The following SLC2A13 variants were observed in gnomAD, a reference collection of about 807,000 sequenced individuals.
SLC2A13 encodes solute carrier family 2 member 13, also known as proton myo-inositol cotransporter.
A neutral mutation model predicts 64.4 loss-of-function variants in SLC2A13; 32 were observed. The ratio of observed to expected loss-of-function variants is 0.50; its 90% CI spans 0.37 to 0.67. The LOEUF (loss-of-function observed/expected upper bound fraction) is 0.67. SLC2A13 is among the 30% of genes least tolerant of loss of function. The pLI, the probability that SLC2A13 is intolerant of heterozygous loss-of-function variation, is 0.00. For synonymous variants in SLC2A13, 338 were observed against 327.1 expected (o/e 1.03, Z -0.36); for missense variants, 743 against 829.2 (o/e 0.90, Z 1.28).
At chr12:39,973,758 G>A (rs1946712300) in intron 3 of SLC2A13, among the ~76,000 whole-genome samples, 1 of 152,168 alleles carries the variant, frequency 6.6e-6, no homozygotes, top group African/African-American at 2.4e-5. Context: ...TTTCTTCAGA[G>A]CACTTACTGC....
chr12:39,997,167 T>A (rs569631), intron 3 of SLC2A13, among the ~76,000 whole-genome samples: 2 of 151,958 alleles, frequency 1.3e-5, no homozygotes, highest in African/African-American at 4.8e-5. Context: ...AAAACAGCAT[T>A]ATACCAGTAT....
intron 1 of SLC2A13, among the ~76,000 whole-genome samples, chr12:40,091,949 C>T (rs189422597): frequency 6.6e-6 from 1 of 152,302 alleles, no homozygotes; most frequent in East Asian, 1.9e-4. Flanking sequence ...CATACAATAA[C>T]TCTATGAATT....
chr12:39,890,000 CT>C (rs1944564594), intron 4 of SLC2A13, among the ~76,000 whole-genome samples: 1 of 152,132 alleles, frequency 6.6e-6, no homozygotes, highest in Non-Finnish European at 1.5e-5. Flanking sequence ...ACATAGTAGT[CT>C]TAAGTCTATA....
At chr12:40,076,811 T>C (rs1294610169) in intron 1 of SLC2A13, among the ~76,000 whole-genome samples, 1 of 152,086 alleles carries the variant, frequency 6.6e-6, no homozygotes, top group Non-Finnish European at 1.5e-5. Context: ...CTCCAGCATG[T>C]TTTTCGTATG....
chr12:39,787,303 T>C (rs775622598), intron 7 of SLC2A13, among the ~76,000 whole-genome samples: 6 of 152,180 alleles, frequency 3.9e-5, no homozygotes, highest in Non-Finnish European at 7.4e-5. Context: ...TAGCATGAAA[T>C]GAAATTAGTA....
intron 6 of SLC2A13, among the ~76,000 whole-genome samples, chr12:39,842,350 A>G (rs1206173721): frequency 6.6e-6 from 1 of 152,068 alleles, no homozygotes; most frequent in African/African-American, 2.4e-5. Flanking sequence ...AAGCTAAGAG[A>G]CTTGCTCATG....
chr12:39,876,187 G>A (rs974985248), intron 4 of SLC2A13, among the ~76,000 whole-genome samples: 4 of 152,152 alleles, frequency 2.6e-5, no homozygotes, highest in Non-Finnish European at 4.4e-5. Flanking sequence ...GAACAGCCAA[G>A]GCCGGAAATC....
intron 7 of SLC2A13, among the ~76,000 whole-genome samples, chr12:39,803,892 C>G (rs1454112892): frequency 6.6e-6 from 1 of 151,976 alleles, no homozygotes; most frequent in Non-Finnish European, 1.5e-5. Flanking sequence ...GGACAACGAT[C>G]CCTTCCCAAG....
chr12:39,963,226 G>A (rs995221623), intron 3 of SLC2A13, among the ~76,000 whole-genome samples: 1 of 145,520 alleles, frequency 6.9e-6, no homozygotes, highest in Non-Finnish European at 1.5e-5. Context: ...GGTGGAGCTT[G>A]CAGTGAGCCG....
chr12:39,838,988 C>T (rs1373906785), intron 6 of SLC2A13, among the ~76,000 whole-genome samples: 3 of 152,046 alleles, frequency 2.0e-5, no homozygotes. Context: ...GATCCATGGC[C>T]ACAGGTCCAA....
At chr12:40,003,406 C>T (rs1343583668) in intron 3 of SLC2A13, among the ~76,000 whole-genome samples, 3 of 152,146 alleles carry the variant, frequency 2.0e-5, no homozygotes, top group Non-Finnish European at 4.4e-5. Flanking sequence ...AAAAACAACA[C>T]TTAACCAAAA....
intron 3 of SLC2A13, among the ~76,000 whole-genome samples, chr12:39,988,533 G>T (rs1947069308): frequency 7.3e-6 from 1 of 137,798 alleles, no homozygotes; most frequent in African/African-American, 2.7e-5. Flanking sequence ...AAAGAAAGAA[G>T]AAAGAAAAAA....
Position 40,032,060 on chromosome 12 carries a change from C to T in SLC2A13, c.717-3551G>A, listed in dbSNP as rs28370831. Among the ~76,000 whole-genome samples, 311 of 152,280 alleles carry T rather than the reference C, an allele frequency of 2.0e-3. 5 individuals carry two copies. The East Asian group carries it at 0.048, about 24-fold the overall frequency. On this transcript the variant is annotated intron_variant, in intron 2 of 9. Coordinates refer to ENST00000280871, the MANE Select transcript of SLC2A13 (RefSeq NM_052885.4). ...CTTCACATTAGAATCACCTAGGAGG[C>T]TGGTAAAACCCACCAGTTTCCAGGC... is the stretch of plus-strand genomic sequence containing the variant.
At chr12:39,796,198 T>C (rs1941568623) in intron 7 of SLC2A13, among the ~76,000 whole-genome samples, 1 of 152,214 alleles carries the variant, frequency 6.6e-6, no homozygotes, top group Non-Finnish European at 1.5e-5. Context: ...AATTTTCATA[T>C]TTCATTCACT....
At chr12:40,084,104 CTGATA>C (rs1592070197) in intron 1 of SLC2A13, among the ~76,000 whole-genome samples, 1 of 152,208 alleles carries the variant, frequency 6.6e-6, no homozygotes, top group East Asian at 1.9e-4. Flanking sequence ...AGCTCTTTAA[CTGATA>C]TATTTGAATG....
chr12:40,101,618 T>C (rs183522904), intron 1 of SLC2A13, among the ~76,000 whole-genome samples: 46 of 152,320 alleles, frequency 3.0e-4, no homozygotes, highest in African/African-American at 1.1e-3. Context: ...GATTACATTA[T>C]TTACTGTTAA....
At chr12:39,981,595 C>T (rs1234681128) in intron 3 of SLC2A13, among the ~76,000 whole-genome samples, 8 of 150,970 alleles carry the variant, frequency 5.3e-5, no homozygotes, top group Non-Finnish European at 8.9e-5. Context: ...ATACATTCCT[C>T]GACACATACA....
chr12:40,057,021 A>G (rs956278299), intron 1 of SLC2A13, among the ~76,000 whole-genome samples: 1 of 152,126 alleles, frequency 6.6e-6, no homozygotes, highest in African/African-American at 2.4e-5. Context: ...AGCAGAAACG[A>G]AGAGCCATGA....
chr12:40,019,915 C>G (rs1947684466), intron 3 of SLC2A13, among the ~76,000 whole-genome samples: 1 of 152,128 alleles, frequency 6.6e-6, no homozygotes. Context: ...CAAGGACACA[C>G]CTCCTTATTG....
Sources: allele counts gnomAD v4.1 joint callset (sites outside exome capture counted in the v4.1 genomes callset), GRCh38; gene constraint gnomAD v4.1.1; transcripts MANE v1.5; gene names NCBI Gene and HGNC (gene_info 2026-07-23, HGNC 2026-07-21).